STK32B: variants seen among roughly 807,000 people sequenced by gnomAD.
The protein encoded by STK32B is serine/threonine kinase 32B.
STK32B carries 43 observed loss-of-function variants against 52.6 expected under a neutral mutation model. That is an observed-to-expected ratio of 0.82 (90% CI 0.64 to 1.05). The LOEUF (loss-of-function observed/expected upper bound fraction) is 1.05, where lower values mean the gene tolerates loss of function less well. Ranked by LOEUF, STK32B falls within the 50% of genes least tolerant of loss-of-function variation. The pLI, the probability that STK32B is intolerant of heterozygous loss-of-function variation, is 0.00. For synonymous variants in STK32B, 238 were observed against 204.3 expected, an observed-to-expected ratio of 1.17 and a Z score of -1.41; for missense variants, 621 against 534.6, an observed-to-expected ratio of 1.16 and a Z score of -1.59.
intron 2 of STK32B, among the ~76,000 whole-genome samples, chr4:5,145,495 C>T (rs1422871426): frequency 1.3e-5 from 2 of 152,130 alleles, no homozygotes; most frequent in Non-Finnish European, 2.9e-5. Flanking sequence ...CCCTCTTGAC[C>T]CTTTACTGTC....
At chr4:5,072,440 C>G (rs1711839697) in intron 1 of STK32B, among the ~76,000 whole-genome samples, 1 of 152,148 alleles carries the variant, frequency 6.6e-6, no homozygotes, top group Non-Finnish European at 1.5e-5. Context: ...CTTGACTTTT[C>G]TCTTCTTTGC....
chr4:5,114,307 G>A (rs1714590818), intron 1 of STK32B, among the ~76,000 whole-genome samples: 1 of 151,652 alleles, frequency 6.6e-6, no homozygotes, highest in Middle Eastern at 3.2e-3. Flanking sequence ...ACATCCTTCT[G>A]GTCTCAGTTT....
At chr4:5,413,361 T>G (rs1263528850) in intron 5 of STK32B, among the ~76,000 whole-genome samples, 2 of 152,190 alleles carry the variant, frequency 1.3e-5, no homozygotes, top group African/African-American at 4.8e-5. Context: ...GGAATCAGGC[T>G]TCAGGCAGGC....
At chr4:5,411,315 G>T (rs145175356) in intron 5 of STK32B, among the ~76,000 whole-genome samples, 2 of 152,086 alleles carry the variant, frequency 1.3e-5, no homozygotes, top group African/African-American at 4.8e-5. Context: ...GATTACAGGC[G>T]TGAGCCACTG....
intron 3 of STK32B, among the ~76,000 whole-genome samples, chr4:5,179,488 A>G (rs1045171076): frequency 6.8e-5 from 10 of 148,142 alleles, no homozygotes; most frequent in Admixed American, 3.3e-4. Context: ...AAATACATAG[A>G]TGATAGACAA....
chr4:5,419,415 G>A (rs74567673), intron 6 of STK32B, among the ~76,000 whole-genome samples: 2 of 152,136 alleles, frequency 1.3e-5, no homozygotes, highest in African/African-American at 4.8e-5. Flanking sequence ...AGGAGTTGTG[G>A]CTGGGTGGAT....
chr4:5,184,940 G>C (rs1345973487), intron 3 of STK32B, among the ~76,000 whole-genome samples: 3 of 152,230 alleles, frequency 2.0e-5, no homozygotes, highest in African/African-American at 7.2e-5. Context: ...AGGCGTGCCT[G>C]TGTTAGCACT....
At chr4:5,150,409 A>G (rs1340642089) in intron 2 of STK32B, among the ~76,000 whole-genome samples, 14 of 152,038 alleles carry the variant, frequency 9.2e-5, no homozygotes, top group African/African-American at 9.7e-5. Flanking sequence ...TCCTGGTTCT[A>G]TATATTAAGT....
At chr4:5,421,671 G>C (rs1712661815) in intron 6 of STK32B, among the ~76,000 whole-genome samples, 1 of 152,198 alleles carries the variant, frequency 6.6e-6, no homozygotes, top group Non-Finnish European at 1.5e-5. Flanking sequence ...GCCCAGTCCA[G>C]GTTCTTGGTC....
At chr4:5,244,132 T>A (rs1273909351) in intron 3 of STK32B, among the ~76,000 whole-genome samples, 1 of 152,198 alleles carries the variant, frequency 6.6e-6, no homozygotes, top group East Asian at 1.9e-4. Context: ...TTCTATTGAT[T>A]GGAATAGTTT....
At chr4:5,374,315 A>G (rs1735442873) in intron 4 of STK32B, among the ~76,000 whole-genome samples, 1 of 152,264 alleles carries the variant, frequency 6.6e-6, no homozygotes, top group Non-Finnish European at 1.5e-5. Context: ...AATCATCTGT[A>G]CTACTATTTG....
intron 1 of STK32B, among the ~76,000 whole-genome samples, chr4:5,123,312 C>G (rs1465635762): frequency 6.6e-6 from 1 of 152,202 alleles, no homozygotes; most frequent in African/African-American, 2.4e-5. Flanking sequence ...CGGCTGCTAT[C>G]TCTGCACCCG....
intron 6 of STK32B, among the ~76,000 whole-genome samples, chr4:5,439,473 G>C (rs1714487014): frequency 6.6e-6 from 1 of 151,688 alleles, no homozygotes. Context: ...TTGTAAATTT[G>C]TTTGAGTTCA....
intron 3 of STK32B, among the ~76,000 whole-genome samples, chr4:5,274,019 A>G (rs1727630046): frequency 6.7e-6 from 1 of 150,198 alleles, no homozygotes; most frequent in Non-Finnish European, 1.5e-5. Flanking sequence ...AAAACAAAAC[A>G]AACAAAAAAA....
chr4:5,136,714 T>C (rs1370747012), intron 1 of STK32B, among the ~76,000 whole-genome samples: 2 of 152,246 alleles, frequency 1.3e-5, no homozygotes, highest in Non-Finnish European at 2.9e-5. Flanking sequence ...GGACCCATTA[T>C]TGGCTTGGCA....
At chr4:5,455,425 G>A (rs1454810755) in intron 7 of STK32B, among the ~76,000 whole-genome samples, 1 of 152,238 alleles carries the variant, frequency 6.6e-6, no homozygotes, top group Non-Finnish European at 1.5e-5. Flanking sequence ...TATGCCGCAT[G>A]CATAGGAAAT....
At chr4:5,203,008 A>C (rs2108777217) in intron 3 of STK32B, among the ~76,000 whole-genome samples, 1 of 152,318 alleles carries the variant, frequency 6.6e-6, no homozygotes, top group East Asian at 1.9e-4. Flanking sequence ...AAGGGCTTGG[A>C]TGTTGCCAGA....
Position 5,130,926 on chromosome 4 carries a change from A to G in STK32B, c.53-8979A>G, listed in dbSNP as rs574572188. Reference sequence around the variant, plus strand: ...GAAATTTTTGTTATTCCTCATGTATATGCTCAGTGTCTTGTGCTTTTCAAA... The same window carrying G: ...GAAATTTTTGTTATTCCTCATGTATGTGCTCAGTGTCTTGTGCTTTTCAAA... On this transcript the variant is annotated intron_variant, in intron 1 of 11. Transcript: ENST00000282908. 3.9e-5 allele frequency among the ~76,000 whole-genome samples: 6 copies of G among 152,264 alleles called. No homozygotes were observed. The South Asian group carries it at 1.2e-3, about 32-fold the overall frequency.
chr4:5,135,978 C>T (rs1226510975), intron 1 of STK32B, among the ~76,000 whole-genome samples: 1 of 152,182 alleles, frequency 6.6e-6, no homozygotes, highest in Non-Finnish European at 1.5e-5. Context: ...TCAGCACCAC[C>T]TAGAAACTTC....
Sources: allele counts gnomAD v4.1 joint callset (sites outside exome capture counted in the v4.1 genomes callset), GRCh38; gene constraint gnomAD v4.1.1; transcripts MANE v1.5; gene names NCBI Gene and HGNC (gene_info 2026-07-23, HGNC 2026-07-21).